Variants in CCDC33 observed in about 807,000 individuals in gnomAD.
The protein encoded by CCDC33 is coiled-coil domain-containing protein 33.
In CCDC33, 94 loss-of-function variants were observed where a neutral mutation model predicts 91.9. That is an observed-to-expected ratio of 1.02 (90% CI 0.87 to 1.21). The LOEUF (loss-of-function observed/expected upper bound fraction) is 1.21, where lower values mean the gene tolerates loss of function less well. CCDC33 is among the 50% of genes most tolerant of loss of function. The probability of loss-of-function intolerance (pLI) is 0.00; values close to 1 mark genes in which losing one functional copy is unlikely to be tolerated. For missense variants in CCDC33, 940 were observed against 935.5 expected, an observed-to-expected ratio of 1.00 and a Z score of -0.06; for synonymous variants, 396 against 374.5, an observed-to-expected ratio of 1.06 and a Z score of -0.66.
Position 74,208,361 on chromosome 15 carries a change from G to A in CCDC33, n.90-1027G>A, listed in dbSNP as rs1257165384. ...CAGCTATAAGAGCCCCACGTTCTCC[G>A]TTCCCAGCACGTTCCTCCCTGGGCT... is the stretch of plus-strand genomic sequence containing the variant. On this transcript the variant is annotated intron_variant and non_coding_transcript_variant, in intron 1 of 3. Transcript: ENST00000558645. 3.9e-5 allele frequency among the ~76,000 whole-genome samples: 6 copies of A among 152,144 alleles called. 1 individual carries two copies. The highest frequency in any genetic ancestry group is 4.8e-5 in the African/African-American group (2 of 41,416).
chr15:74,285,896 C>T (rs1196066299), intron 10 of CCDC33, among the ~76,000 whole-genome samples: 2 of 152,156 alleles, frequency 1.3e-5, no homozygotes, highest in African/African-American at 2.4e-5. Flanking sequence ...ACACAGAAAA[C>T]TTCCCTTTAT....
At position 74,316,972 on chromosome 15, in the gene CCDC33, G is replaced by A. The variant is rs180678172; in HGVS notation, c.1291-13217G>A. Among the ~76,000 whole-genome samples, 4 of 152,220 alleles carry A rather than the reference G, an allele frequency of 2.6e-5. No homozygotes were observed. In the East Asian group the frequency reaches 7.7e-4, roughly 29 times the overall value. On this transcript the variant is annotated intron_variant, in intron 11 of 18. Transcript: ENST00000398814. This position sits in a 1 kb window ranked among gnomAD's most constrained non-coding sequence, Gnocchi z 4.7. ...GCCCACTATCTTTCCACTTCACCAG[G>A]CCCACTCAAATAAGAACTAATAGGA... is the stretch of plus-strand genomic sequence containing the variant.
chr15:74,274,047 G>GT (rs1425211489), intron 7 of CCDC33, among the ~76,000 whole-genome samples: 1 of 152,106 alleles, frequency 6.6e-6, no homozygotes, highest in African/African-American at 2.4e-5. Flanking sequence ...GGCCAGGCTG[G>GT]TCTCAAACTC....
At position 74,208,665 on chromosome 15, in the gene CCDC33, G is replaced by A. The variant is rs985343859; in HGVS notation, n.90-723G>A. 3.1e-6 allele frequency: 3 copies of A among 971,042 alleles called. No individual in the cohort carries two copies. The African/African-American group carries it at 5.3e-5, about 17-fold the overall frequency. 60.2% of individuals were successfully genotyped at this position (971,042 alleles called of 1,614,324 possible). On this transcript the variant is annotated intron_variant and non_coding_transcript_variant, in intron 1 of 3. Transcript: ENST00000558645. ...AAACTTACTCATCAGAATTGCTCCA[G>A]CCCATCACTCTGCTCACTTCCTGCC...
intron 11 of CCDC33, among the ~76,000 whole-genome samples, chr15:74,296,896 C>T (rs1416682339): frequency 6.6e-6 from 1 of 152,170 alleles, no homozygotes; most frequent in Non-Finnish European, 1.5e-5. Context: ...GGGTAGCTTC[C>T]TCCCTTCTTC....
chr15:74,227,990 G>A (rs2074853470), intron 2 of CCDC33, among the ~76,000 whole-genome samples: 1 of 152,114 alleles, frequency 6.6e-6, no homozygotes, highest in Non-Finnish European at 1.5e-5. Flanking sequence ...GGCGGGGGTG[G>A]GGGGATGGGC....
intron 11 of CCDC33, among the ~76,000 whole-genome samples, chr15:74,327,989 A>G (rs2060345053): frequency 6.6e-6 from 1 of 152,236 alleles, no homozygotes; most frequent in Non-Finnish European, 1.5e-5. Context: ...TGCAGTGAGC[A>G]TCCCTGCATG....
At chr15:74,309,684 C>T (rs2059956218) in intron 11 of CCDC33, among the ~76,000 whole-genome samples, 1 of 152,128 alleles carries the variant, frequency 6.6e-6, no homozygotes, top group Non-Finnish European at 1.5e-5. Context: ...AAGCTTCCAT[C>T]TCTCTCGGTC....
chr15:74,273,304 A>G (rs934585315), intron 7 of CCDC33, among the ~76,000 whole-genome samples: 2 of 152,236 alleles, frequency 1.3e-5, no homozygotes, highest in African/African-American at 4.8e-5. Flanking sequence ...GGGGAGTTAC[A>G]GGTCATAAGT....
At chr15:74,299,861 C>G (rs1166354732) in intron 11 of CCDC33, 1 of 152,434 alleles carries the variant, frequency 6.6e-6, no homozygotes, top group African/African-American at 2.4e-5. Flanking sequence ...CACTCCCTCT[C>G]TCACTCACCT....
chr15:74,229,358 T>C (rs1238427742), intron 2 of CCDC33, among the ~76,000 whole-genome samples: 1 of 152,120 alleles, frequency 6.6e-6, no homozygotes, highest in African/African-American at 2.4e-5. Flanking sequence ...CCAGGCGTAA[T>C]GGCAGGCACC....
chr15:74,310,985 T>C (rs1596090294), intron 11 of CCDC33, among the ~76,000 whole-genome samples: 1 of 151,938 alleles, frequency 6.6e-6, no homozygotes, highest in Non-Finnish European at 1.5e-5. Flanking sequence ...AGTGAGGTGG[T>C]TTTCCGCAAC....
chr15:74,275,344 A>G (rs553997445), intron 7 of CCDC33, among the ~76,000 whole-genome samples: 1 of 152,334 alleles, frequency 6.6e-6, no homozygotes, highest in East Asian at 1.9e-4. Flanking sequence ...CCAGGGTCCA[A>G]GGTAAATGGG....
intron 11 of CCDC33, among the ~76,000 whole-genome samples, chr15:74,323,718 G>T (rs915830065): frequency 2.0e-5 from 3 of 151,606 alleles, no homozygotes; most frequent in Non-Finnish European, 4.4e-5. Context: ...GTGTAGAAAT[G>T]GGGTTTCACC....
intron 15 of CCDC33, among the ~76,000 whole-genome samples, chr15:74,331,941 A>G (rs1334089145): frequency 1.3e-5 from 2 of 152,084 alleles, no homozygotes; most frequent in Non-Finnish European, 2.9e-5. Context: ...GAGGCAGGAG[A>G]ATCACTTGAG....
chr15:74,330,669 T>C lies in CCDC33; in HGVS notation c.1463T>C (p.Met488Thr). The change falls in exon 13 of 19, where the codon ATG becomes ACG. Residue 488 changes from methionine to threonine, a missense_variant. Transcript: ENST00000398814. ...TCCCCAACCCACCTAACAGTGTCCA[T>C]GAAGCAGAAACTGCTGCTGAGTGAG... ...KASEAQNTVS[M>T]KQKLLLSELD... is the part of the protein sequence containing the mutation. 1 of 1,613,020 alleles carries C rather than the reference T, an allele frequency of 6.2e-7. No individual in the cohort carries two copies. Among genetic ancestry groups the C allele is most frequent in the South Asian group, 1.1e-5 (1 of 91,060 alleles).
At chr15:74,217,164 T>C (rs116866251), upstream of CCDC33, 14,896 of 753,928 alleles carry the variant, frequency 0.02, 189 homozygotes, top group Non-Finnish European at 0.024. Context: ...CAGAGGTGGG[T>C]GGGGAGTGTC....
intron 7 of CCDC33, among the ~76,000 whole-genome samples, chr15:74,278,999 CACAG>C (rs1412975037): frequency 2.6e-5 from 4 of 152,192 alleles, no homozygotes; most frequent in African/African-American, 7.2e-5. Flanking sequence ...GGGCTGGTGA[CACAG>C]ACAGAGGTCA....
intron 10 of CCDC33, among the ~76,000 whole-genome samples, chr15:74,293,683 A>G (rs1330743084): frequency 6.6e-6 from 1 of 152,156 alleles, no homozygotes; most frequent in Middle Eastern, 3.2e-3. Context: ...CCTGATGCCC[A>G]CAGACAAAAC....
Sources: gnomAD v4.1 joint callset for allele counts (sites outside exome capture counted in the v4.1 genomes callset) on GRCh38, gnomAD v4.1.1 for gene constraint, Gnocchi (gnomAD v3.1) non-coding constraint, MANE v1.5 for transcripts, NCBI Gene and HGNC (gene_info 2026-07-23, HGNC 2026-07-21) for gene names.